The following RBFOX1 variants were observed in gnomAD, a reference collection of about 807,000 sequenced individuals.
RBFOX1 encodes RNA binding fox-1 homolog 1.
A neutral mutation model predicts 57.7 loss-of-function variants in RBFOX1; 8 were observed. That is an observed-to-expected ratio of 0.14 (90% CI 0.08 to 0.25). RBFOX1 has a LOEUF of 0.25. Ranked by LOEUF, RBFOX1 falls within the 10% of genes least tolerant of loss-of-function variation. RBFOX1 has a pLI of 1.00. For synonymous variants in RBFOX1, 326 were observed against 222.4 expected, an observed-to-expected ratio of 1.47 and a Z score of -4.15; for missense variants, 611 against 548.5, an observed-to-expected ratio of 1.11 and a Z score of -1.14.
At chr16:5,280,903 A>G (rs1480873008) in intron 1 of RBFOX1, among the ~76,000 whole-genome samples, 2 of 149,606 alleles carry the variant, frequency 1.3e-5, no homozygotes, top group Admixed American at 1.3e-4. Context: ...TATCTTGTTG[A>G]TTATTTGCAT....
Position 6,413,754 on chromosome 16 carries a change from A to C in RBFOX1, c.-64+96697A>C, listed in dbSNP as rs181497325. Among the ~76,000 whole-genome samples the C allele has an allele frequency of 1.1e-4, 17 of 152,296 alleles. No homozygotes were observed. In the East Asian group the frequency reaches 3.1e-3, roughly 28 times the overall value. On this transcript the variant is annotated intron_variant, in intron 2 of 15. Transcript: ENST00000550418. The stretch of plus-strand genomic sequence containing the variant: ...AAGGTTTATCTTTTGATACTTAATT[A>C]ACTAAGAATCAGGTATTTCTCAGTC...
intron 2 of RBFOX1, among the ~76,000 whole-genome samples, chr16:5,513,003 C>T (rs1036674147): frequency 3.3e-5 from 5 of 152,182 alleles, no homozygotes; most frequent in Admixed American, 2.0e-4. Flanking sequence ...GCAACCTCCA[C>T]CTCCTAGGCT....
intron 3 of RBFOX1, among the ~76,000 whole-genome samples, chr16:5,845,499 T>G (rs779406362): frequency 1.5e-4 from 23 of 152,274 alleles, no homozygotes; most frequent in Admixed American, 4.6e-4. Context: ...TCTGGAGATG[T>G]GAGCAGGAAA....
At chr16:7,187,551 T>C (rs922760854) in intron 4 of RBFOX1, among the ~76,000 whole-genome samples, 11 of 150,902 alleles carry the variant, frequency 7.3e-5, no homozygotes, top group East Asian at 2.0e-4. Flanking sequence ...TAGCCAGGCG[T>C]GGTGGCGGGC....
intron 3 of RBFOX1, chr16:5,610,182 A>G (rs1362090299): frequency 6.6e-6 from 1 of 152,142 alleles, no homozygotes; most frequent in Non-Finnish European, 1.5e-5. Context: ...AGTCTGTCCC[A>G]TTACCAGTGT....
At chr16:5,964,776 C>G (rs542501183) in intron 4 of RBFOX1, among the ~76,000 whole-genome samples, 37 of 151,688 alleles carry the variant, frequency 2.4e-4, no homozygotes, top group African/African-American at 8.7e-4. Context: ...TATATATACA[C>G]ACATATACAC....
chr16:6,375,055 C>T (rs189646395), intron 2 of RBFOX1, among the ~76,000 whole-genome samples: 2 of 152,144 alleles, frequency 1.3e-5, no homozygotes, highest in East Asian at 3.9e-4. Flanking sequence ...CTTGAGACCT[C>T]GCCAGGTCCA....
intron 1 of RBFOX1, among the ~76,000 whole-genome samples, chr16:6,122,125 C>G (rs34631026): frequency 1.3e-5 from 2 of 151,974 alleles, no homozygotes; most frequent in African/African-American, 2.4e-5. Context: ...AGGCTGGTCT[C>G]GAACTCCTGG....
chr16:7,076,258 T>G (rs1365126315), intron 4 of RBFOX1, among the ~76,000 whole-genome samples: 1 of 151,944 alleles, frequency 6.6e-6, no homozygotes, highest in Non-Finnish European at 1.5e-5. Context: ...GGTCTTGATC[T>G]CCTGACCTCA....
chr16:5,683,851 T>C (rs2050422119), intron 3 of RBFOX1, among the ~76,000 whole-genome samples: 2 of 150,208 alleles, frequency 1.3e-5, no homozygotes, highest in African/African-American at 4.9e-5. Context: ...AATTATGTAT[T>C]ACATACAGAT....
intron 1 of RBFOX1, among the ~76,000 whole-genome samples, chr16:5,461,684 T>G (rs2068792635): frequency 6.6e-6 from 1 of 152,078 alleles, no homozygotes; most frequent in South Asian, 2.1e-4. Flanking sequence ...CACGGTGCAT[T>G]TGGTGGGTTT....
At chr16:7,503,591 A>G (rs1376582260) in intron 4 of RBFOX1, among the ~76,000 whole-genome samples, 2 of 152,074 alleles carry the variant, frequency 1.3e-5, no homozygotes, top group Non-Finnish European at 2.9e-5. Context: ...CACTGATGTT[A>G]CTCTGGTGGT....
At chr16:6,734,674 T>C (rs370004091) in intron 3 of RBFOX1, among the ~76,000 whole-genome samples, 75 of 152,336 alleles carry the variant, frequency 4.9e-4, no homozygotes, top group African/African-American at 1.8e-3. Context: ...TACACATATT[T>C]TATCTTATTT....
intron 1 of RBFOX1, among the ~76,000 whole-genome samples, chr16:6,077,027 A>G (rs184622500): frequency 6.6e-6 from 1 of 152,204 alleles, no homozygotes; most frequent in Non-Finnish European, 1.5e-5. Flanking sequence ...GAGAGTGCAG[A>G]TGAAGCGCTC....
At chr16:7,354,274 A>T (rs1310252274) in intron 4 of RBFOX1, among the ~76,000 whole-genome samples, 1 of 152,184 alleles carries the variant, frequency 6.6e-6, no homozygotes, top group Non-Finnish European at 1.5e-5. Context: ...CTTGGCCCGA[A>T]TTGTATATTT....
At chr16:7,076,990 C>T (rs534987471) in intron 4 of RBFOX1, among the ~76,000 whole-genome samples, 14 of 152,114 alleles carry the variant, frequency 9.2e-5, no homozygotes, top group African/African-American at 1.9e-4. Context: ...ATTGGGTGTA[C>T]GCGAGAGAGG....
intron 5 of RBFOX1, among the ~76,000 whole-genome samples, chr16:7,541,939 A>T (rs4404084): frequency 0.55 from 83,375 of 152,100 alleles, 25,859 homozygotes; most frequent in Middle Eastern, 0.71. Flanking sequence ...GTTTCCCAGC[A>T]AAGAGATTTC....
intron 3 of RBFOX1, among the ~76,000 whole-genome samples, chr16:6,880,610 C>A (rs2062741127): frequency 6.6e-6 from 1 of 152,018 alleles, no homozygotes; most frequent in Non-Finnish European, 1.5e-5. Context: ...GAAATGTGAA[C>A]TGGAAGAGGC....
chr16:5,560,819 T>C (rs970997769), intron 2 of RBFOX1, among the ~76,000 whole-genome samples: 4 of 152,132 alleles, frequency 2.6e-5, no homozygotes, highest in South Asian at 2.1e-4. Context: ...TTTATCCTCC[T>C]TGTGGCATTT....
Sources: gnomAD v4.1 joint callset for allele counts (sites outside exome capture counted in the v4.1 genomes callset) on GRCh38, gnomAD v4.1.1 for gene constraint, MANE v1.5 for transcripts, NCBI Gene and HGNC (gene_info 2026-07-23, HGNC 2026-07-21) for gene names.